Variants in TMEM135 observed in about 807,000 individuals in gnomAD.
TMEM135 encodes peroxisomal membrane protein 52.
In TMEM135, 30 loss-of-function variants were observed where a neutral mutation model predicts 60.3. That is an observed-to-expected ratio of 0.50 (90% CI 0.37 to 0.68). TMEM135 has a LOEUF of 0.68. Among genes scored for constraint, TMEM135 ranks in the 30% least tolerant of loss-of-function variants. The probability of loss-of-function intolerance (pLI) is 0.00; values close to 1 mark genes in which losing one functional copy is unlikely to be tolerated. For synonymous variants in TMEM135, 190 were observed against 186.7 expected (o/e 1.02, Z -0.14); for missense variants, 468 against 548.8 (o/e 0.85, Z 1.47).
chr11:87,278,750 CTA>C (rs1942009597), intron 6 of TMEM135, among the ~76,000 whole-genome samples: 1 of 152,116 alleles, frequency 6.6e-6, no homozygotes, highest in Non-Finnish European at 1.5e-5. Flanking sequence ...TCTATGAGTT[CTA>C]TGAGTTTTGA....
In TMEM135 at chr11:87,180,185, C is replaced by A. The variant is rs141669884; in HGVS notation, c.462+22779C>A. Among the ~76,000 whole-genome samples, 360 of 152,134 alleles carry A rather than the reference C, an allele frequency of 2.4e-3. 4 individuals carry two copies. The highest frequency in any genetic ancestry group is 8.5e-3 in the African/African-American group (352 of 41,510). ...CTTTTCTGGTGGGACCCCAAGTAAGCCTTAATCATGAGGCCGTTCCCCTGC... is the reference window on the plus strand; with the variant it reads ...CTTTTCTGGTGGGACCCCAAGTAAGACTTAATCATGAGGCCGTTCCCCTGC... On this transcript the variant is annotated intron_variant, in intron 5 of 14. Coordinates refer to ENST00000305494, the MANE Select transcript of TMEM135 (RefSeq NM_022918.4).
chr11:87,117,797 A>G (rs1487239941), intron 4 of TMEM135, among the ~76,000 whole-genome samples: 15 of 152,192 alleles, frequency 9.9e-5, no homozygotes, highest in African/African-American at 3.6e-4. Flanking sequence ...TGAATCACAA[A>G]TGTCCTTAAT....
chr11:87,163,201 C>T (rs1261004152), intron 5 of TMEM135, among the ~76,000 whole-genome samples: 1 of 125,018 alleles, frequency 8.0e-6, no homozygotes, highest in African/African-American at 3.1e-5. Context: ...CCCGACCCCA[C>T]CACAGTCCCC....
chr11:87,163,029 T>A lies in TMEM135; in HGVS notation c.462+5623T>A, dbSNP rs569823697. ...TTATAAATGTCTTCTTTTTTTTTTT[T>A]AATTTTTTTATTTTTATTTTATTAT... On this transcript the variant is annotated intron_variant, in intron 5 of 14. Transcript: ENST00000305494. 2.5e-4 allele frequency among the ~76,000 whole-genome samples: 36 copies of A among 146,388 alleles called. 2 individuals carry two copies. In the East Asian group the frequency reaches 3.7e-3, roughly 15 times the overall value.
At chr11:87,177,265 C>A (rs1420862454) in intron 5 of TMEM135, among the ~76,000 whole-genome samples, 3 of 152,124 alleles carry the variant, frequency 2.0e-5, no homozygotes, top group Admixed American at 1.3e-4. Context: ...TTTTTAACCT[C>A]ATTTATCATT....
At chr11:87,221,683 TTCTTC>T (rs1355467609) in intron 5 of TMEM135, among the ~76,000 whole-genome samples, 1 of 152,160 alleles carries the variant, frequency 6.6e-6, no homozygotes, top group Non-Finnish European at 1.5e-5. Flanking sequence ...ATAAATTTCT[TTCTTC>T]TATCACTTTG....
At chr11:87,072,624 G>A (rs574331981) in intron 3 of TMEM135, among the ~76,000 whole-genome samples, 27 of 152,036 alleles carry the variant, frequency 1.8e-4, no homozygotes, top group African/African-American at 6.0e-4. Context: ...CTTGTGATCC[G>A]CCCGCCTTGG....
intron 6 of TMEM135, among the ~76,000 whole-genome samples, chr11:87,247,005 G>C (rs570297999): frequency 1.4e-5 from 2 of 146,824 alleles, no homozygotes; most frequent in South Asian, 2.3e-4. Context: ...GGTCTTTGAT[G>C]ATGGTGATGA....
intron 6 of TMEM135, among the ~76,000 whole-genome samples, chr11:87,237,494 G>A (rs1350397097): frequency 6.6e-6 from 1 of 151,868 alleles, no homozygotes; most frequent in East Asian, 1.9e-4. Flanking sequence ...GACAGTTGCG[G>A]ATTTTTAGTA....
At chr11:87,306,747 CT>C (rs1478883533) in intron 9 of TMEM135, among the ~76,000 whole-genome samples, 1 of 152,082 alleles carries the variant, frequency 6.6e-6, no homozygotes, top group Non-Finnish European at 1.5e-5. Context: ...AAGACAGAGT[CT>C]CGCTCAGCCA....
At chr11:87,275,638 C>A (rs918035941) in intron 6 of TMEM135, among the ~76,000 whole-genome samples, 1 of 151,926 alleles carries the variant, frequency 6.6e-6, no homozygotes, top group Non-Finnish European at 1.5e-5. Context: ...CCAAACTAGT[C>A]TGGATTTTAT....
At position 87,325,175 on chromosome 11, in the gene TMEM135, A is replaced by T. The variant is rs759410749; in HGVS notation, c.*3842A>T. On this transcript the variant is annotated 3_prime_UTR_variant, in exon 15 of 15. Transcript: ENST00000305494. ...TTAGATTCTAGGGCTTTGTAGTACT[A>T]TGTTTCTGTTTAAAGTAGTGGCCTC... 12 of 453,920 alleles carry T rather than the reference A, an allele frequency of 2.6e-5. No homozygotes were observed. The highest frequency in any genetic ancestry group is 4.4e-5 in the Non-Finnish European group (10 of 226,788). The allele number at this position is 453,920 out of a possible 1,614,324, so 28.1% of individuals were successfully genotyped here. A position where few individuals can be genotyped will look rare whatever the true frequency, so the allele number is the denominator to read the frequency against.
chr11:87,211,310 C>G (rs1940364290), intron 5 of TMEM135, among the ~76,000 whole-genome samples: 1 of 152,170 alleles, frequency 6.6e-6, no homozygotes, highest in Admixed American at 6.5e-5. Flanking sequence ...CAACTTCATA[C>G]TTTTTATGCA....
chr11:87,112,035 C>T (rs1228858533), intron 4 of TMEM135, among the ~76,000 whole-genome samples: 1 of 151,988 alleles, frequency 6.6e-6, no homozygotes, highest in African/African-American at 2.4e-5. Flanking sequence ...ATAGTGATAC[C>T]AGGAAACAAA....
chr11:87,200,368 A>G lies in TMEM135; in HGVS notation c.463-36270A>G, dbSNP rs532556942. Among the ~76,000 whole-genome samples the G allele has an allele frequency of 7.2e-5, 11 of 152,316 alleles. No homozygotes were observed. The East Asian group carries it at 2.1e-3, about 29-fold the overall frequency. On this transcript the variant is annotated intron_variant, in intron 5 of 14. Coordinates refer to ENST00000305494, the MANE Select transcript of TMEM135 (RefSeq NM_022918.4). ...AATTCAAGATGGTCAAAGTTATAAA[A>G]TGATTTCTCTGTAAAGTATATAGGT...
At chr11:87,099,261 T>G (rs945638176) in intron 4 of TMEM135, among the ~76,000 whole-genome samples, 2 of 152,154 alleles carry the variant, frequency 1.3e-5, no homozygotes, top group African/African-American at 2.4e-5. Flanking sequence ...GAAAGAGATC[T>G]TTGACTTTGA....
intron 6 of TMEM135, among the ~76,000 whole-genome samples, chr11:87,293,784 A>T (rs919902399): frequency 1.8e-4 from 27 of 152,166 alleles, no homozygotes; most frequent in African/African-American, 6.0e-4. Flanking sequence ...GATTGGTTAC[A>T]TGTCTTTGCT....
At position 87,066,398 on chromosome 11, in the gene TMEM135, A is replaced by G. The variant is rs78583405; in HGVS notation, c.142-1296A>G. 1.5e-4 allele frequency among the ~76,000 whole-genome samples: 23 copies of G among 152,222 alleles called. No homozygotes were observed. In the East Asian group the frequency reaches 4.1e-3, roughly 27 times the overall value. ...CTGCTAAAATTCTGTGGTACTTTCT[A>G]TTATATTACTAACACTTAATCAGTC... On this transcript the variant is annotated intron_variant, in intron 1 of 14. Coordinates refer to ENST00000305494, the MANE Select transcript of TMEM135 (RefSeq NM_022918.4).
chr11:87,043,265 GT>G (rs544420191), intron 1 of TMEM135, among the ~76,000 whole-genome samples: 1 of 151,830 alleles, frequency 6.6e-6, no homozygotes, highest in East Asian at 1.9e-4. Flanking sequence ...TATTTCTGTA[GT>G]TTTTTTAAAA....
Sources: allele counts gnomAD v4.1 joint callset (sites outside exome capture counted in the v4.1 genomes callset), GRCh38; gene constraint gnomAD v4.1.1; transcripts MANE v1.5; gene names NCBI Gene and HGNC (gene_info 2026-07-23, HGNC 2026-07-21).